The following RBPJL variants were observed in gnomAD, a reference collection of about 807,000 sequenced individuals.
RBPJL encodes the protein recombining binding protein suppressor of hairless-like protein.
RBPJL carries 50 observed loss-of-function variants against 57.6 expected under a neutral mutation model. That is an observed-to-expected ratio of 0.87 (90% CI 0.69 to 1.10). The LOEUF is 1.10. RBPJL is among the 50% of genes least tolerant of loss of function. The pLI, the probability that RBPJL is intolerant of heterozygous loss-of-function variation, is 0.00. For missense variants in RBPJL, 684 were observed against 693.7 expected, an observed-to-expected ratio of 0.99 and a Z score of 0.16; for synonymous variants, 303 against 294.4, an observed-to-expected ratio of 1.03 and a Z score of -0.30.
chr20:45,314,592 A>G (rs1361033744), intron 9 of RBPJL, 27 bp downstream of exon 9: 1 of 1,602,662 alleles, frequency 6.2e-7, no homozygotes, highest in African/African-American at 1.3e-5. Context: ...ACCAGCACCA[A>G]GTGTCCTGGA....
intron 2 of RBPJL, among the ~76,000 whole-genome samples, chr20:45,309,049 C>G (rs1287472303): frequency 1.3e-5 from 2 of 152,058 alleles, no homozygotes; most frequent in Non-Finnish European, 2.9e-5. Flanking sequence ...GGTTTTGGGC[C>G]CTTTTCTGTT....
In RBPJL at chr20:45,308,133, T is replaced by G. The variant is rs1381774463; in HGVS notation, c.23-10T>G. 6.2e-7 allele frequency: 1 copy of G among 1,600,226 alleles called. No individual in the cohort carries two copies. Among genetic ancestry groups the G allele is most frequent in the African/African-American group, 1.3e-5 (1 of 74,634 alleles). ...TCGCCTGACCTGGCTTGATGCCTAC[T>G]CCCCTGCAGACCCCTCAGTGCCTCC... On this transcript the variant is annotated splice_polypyrimidine_tract_variant and intron_variant, in intron 1 of 11. Transcript: ENST00000343694.
chr20:45,308,984 C>T (rs1020988448), intron 2 of RBPJL, among the ~76,000 whole-genome samples: 8 of 152,154 alleles, frequency 5.3e-5, no homozygotes, highest in African/African-American at 1.9e-4. Context: ...AAGAATATGG[C>T]TTTGGCCCCA....
Position 45,316,896 on chromosome 20 carries a change from G to C in RBPJL, c.1491G>C (p.Ala497=), listed in dbSNP as rs780703432. The change falls in exon 12 of 12, where the codon GCG becomes GCC. Residue 497 remains alanine, a synonymous_variant. Transcript: ENST00000343694. ...GVPEPATDAD[A]LLESIHQEFT... ...CCGAGCCCGCCACCGACGCCGACGC[G>C]CTCCTGGAGAGCATCCATCAGGAGT... 1 of 1,613,674 alleles carries C rather than the reference G, an allele frequency of 6.2e-7. No individual in the cohort carries two copies. The highest frequency in any genetic ancestry group is 1.1e-5 in the South Asian group (1 of 91,026).
intron 7 of RBPJL, among the ~76,000 whole-genome samples, 186 bp from the exon 8 acceptor site, chr20:45,313,849 C>T (rs1987318555): frequency 6.6e-6 from 1 of 152,370 alleles, no homozygotes; most frequent in African/African-American, 2.4e-5. Context: ...CCAGGGCAGA[C>T]ATTTGTGAGG....
At position 45,311,729 on chromosome 20, in the gene RBPJL, G is replaced by A; in HGVS notation, c.328+70G>A. 5.7e-6 allele frequency: 9 copies of A among 1,583,400 alleles called. No homozygotes were observed. In the South Asian group the frequency reaches 1.0e-4, roughly 18 times the overall value. On this transcript the variant is annotated intron_variant, in intron 4 of 11. Coordinates refer to ENST00000343694, the MANE Select transcript of RBPJL (RefSeq NM_014276.4). ...GGACCACGAGATTGGGCCCGAGACG[G>A]GGCGGTTCGCAGGCGCAGTCTCCCC...
At chr20:45,309,143 C>T (rs1987003502) in intron 2 of RBPJL, among the ~76,000 whole-genome samples, 1 of 151,988 alleles carries the variant, frequency 6.6e-6, no homozygotes, top group Non-Finnish European at 1.5e-5. Context: ...CCCCACCCTG[C>T]CTTCCCCAGG....
chr20:45,310,372 C>T (rs755651679), intron 3 of RBPJL, among the ~76,000 whole-genome samples: 1 of 151,986 alleles, frequency 6.6e-6, no homozygotes. Flanking sequence ...TTTGGGAGGC[C>T]GAGGCGGGCG....
chr20:45,309,510 T>TGCCA (rs1987027979), intron 2 of RBPJL, 57 bp from the exon 3 acceptor site: 1 of 1,551,602 alleles, frequency 6.4e-7, no homozygotes. Flanking sequence ...TTGGACCCTG[T>TGCCA]GCCACCTTGA....
rs1487709701 is a variant in RBPJL, at chr20:45,317,398, C to T, written c.*439C>T. ...ATTTACCCTCCAGGCATCTGTGTCC[C>T]CTCTTGAAGAGAAAACACACAGCTT... is the stretch of plus-strand genomic sequence containing the variant. On this transcript the variant is annotated 3_prime_UTR_variant, in exon 12 of 12. Transcript: ENST00000343694. 1 of 171,852 alleles carries T rather than the reference C, an allele frequency of 5.8e-6. No individual in the cohort carries two copies. Among genetic ancestry groups the T allele is most frequent in the African/African-American group, 2.4e-5 (1 of 42,030 alleles). The allele number at this position is 171,852 out of a possible 1,614,324, so 10.6% of individuals were successfully genotyped here. A position where few individuals can be genotyped will look rare whatever the true frequency, so the allele number is the denominator to read the frequency against.
intron 9 of RBPJL, 92 bp downstream of exon 9, chr20:45,314,657 CTA>C: frequency 7.8e-7 from 1 of 1,286,332 alleles, no homozygotes; most frequent in South Asian, 1.4e-5. Context: ...ACCATGGTTG[CTA>C]CTTCCTGAGC....
intron 6 of RBPJL, among the ~76,000 whole-genome samples, chr20:45,312,891 C>A (rs758859595): frequency 6.6e-5 from 10 of 151,472 alleles, no homozygotes; most frequent in African/African-American, 9.7e-5. Context: ...ACTTGTTGTC[C>A]CAGCTACGTG....
intron 9 of RBPJL, 84 bp downstream of exon 9, chr20:45,314,649 C>T (rs1407604459): frequency 7.3e-7 from 1 of 1,367,462 alleles, no homozygotes; most frequent in Non-Finnish European, 1.0e-6. Flanking sequence ...TCACCCTCAC[C>T]ATGGTTGCTA....
Position 45,306,892 on chromosome 20 carries a change from G to A in RBPJL, c.-31G>A, listed in dbSNP as rs1217173753. 8.0e-7 allele frequency: 1 copy of A among 1,256,604 alleles called. No homozygotes were observed. 77.8% of individuals were successfully genotyped at this position (1,256,604 alleles called of 1,614,324 possible). A position where few individuals can be genotyped will look rare whatever the true frequency, so the allele number is the denominator to read the frequency against. On this transcript the variant is annotated 5_prime_UTR_variant, in exon 1 of 12. Coordinates refer to ENST00000343694, the MANE Select transcript of RBPJL (RefSeq NM_014276.4). Reference sequence around the variant, plus strand: ...GCACTGGACTCGTCCAGAGGGCGGCGGGTGAGCGGCTGGGGCCCCGTGGAG... The same window carrying A: ...GCACTGGACTCGTCCAGAGGGCGGCAGGTGAGCGGCTGGGGCCCCGTGGAG...
chr20:45,312,199 C>T (rs749973408), intron 5 of RBPJL, 22 bp from the exon 6 acceptor site: 2 of 1,613,828 alleles, frequency 1.2e-6, no homozygotes, highest in Non-Finnish European at 1.7e-6. Context: ...ATGAGATGGC[C>T]CTGTACCTGT....
At position 45,308,267 on chromosome 20, in the gene RBPJL, C is replaced by T. The variant is rs1986921634; in HGVS notation, c.131+16C>T. 3.2e-6 allele frequency: 5 copies of T among 1,556,138 alleles called. No homozygotes were observed. The highest frequency in any genetic ancestry group is 4.4e-6 in the Non-Finnish European group (5 of 1,127,722). On this transcript the variant is annotated intron_variant, in intron 2 of 11. Transcript: ENST00000343694. Reference sequence around the variant, plus strand: ...CTTGGACCAGGTAACGGCGGCGTGGCAGCGTGCCCTAGGTGGGGACTGCCA... The same window carrying T: ...CTTGGACCAGGTAACGGCGGCGTGGTAGCGTGCCCTAGGTGGGGACTGCCA...
chr20:45,311,379 G>A (rs534188631), intron 3 of RBPJL, among the ~76,000 whole-genome samples: 6 of 152,160 alleles, frequency 3.9e-5, no homozygotes, highest in Admixed American at 6.5e-5. Context: ...TTTTGAAGGT[G>A]GAGTGGACAG....
intron 5 of RBPJL, 21 bp from the exon 6 acceptor site, chr20:45,312,200 C>T: frequency 6.2e-7 from 1 of 1,613,970 alleles, no homozygotes; most frequent in Non-Finnish European, 8.5e-7. Context: ...TGAGATGGCC[C>T]TGTACCTGTG....
In RBPJL at chr20:45,308,271, G is replaced by A. The variant is rs745530873; in HGVS notation, c.131+20G>A. 146 of 1,519,088 alleles carry A rather than the reference G, an allele frequency of 9.6e-5. No homozygotes were observed. In the Admixed American group the frequency reaches 9.9e-4, roughly 10 times the overall value. 94.1% of individuals were successfully genotyped at this position (1,519,088 alleles called of 1,614,324 possible). On this transcript the variant is annotated intron_variant, in intron 2 of 11. Coordinates refer to ENST00000343694, the MANE Select transcript of RBPJL (RefSeq NM_014276.4). ...GACCAGGTAACGGCGGCGTGGCAGC[G>A]TGCCCTAGGTGGGGACTGCCAGGCA...
Sources: allele counts gnomAD v4.1 joint callset (sites outside exome capture counted in the v4.1 genomes callset), GRCh38; gene constraint gnomAD v4.1.1; transcripts MANE v1.5; gene names NCBI Gene and HGNC (gene_info 2026-07-23, HGNC 2026-07-21).